The following SHC3 variants were observed in gnomAD, a reference collection of about 807,000 sequenced individuals.
The protein encoded by SHC3 is SHC-transforming protein 3.
Under a neutral mutation model 60.4 loss-of-function variants are expected in SHC3, and 15 were observed. That is an observed-to-expected ratio of 0.25 (90% CI 0.17 to 0.38). The LOEUF is 0.38. SHC3 is among the 10% of genes least tolerant of loss of function. The pLI, the probability that SHC3 is intolerant of heterozygous loss-of-function variation, is 1.00. For synonymous variants in SHC3, 294 were observed against 325.9 expected, an observed-to-expected ratio of 0.90 and a Z score of 1.05; for missense variants, 677 against 786.1, an observed-to-expected ratio of 0.86 and a Z score of 1.66.
intron 11 of SHC3, among the ~76,000 whole-genome samples, chr9:89,021,321 T>C (rs1459548309): frequency 6.6e-6 from 1 of 152,132 alleles, no homozygotes; most frequent in Non-Finnish European, 1.5e-5. Flanking sequence ...CAGGACAGCA[T>C]TTGATGAGTC....
intron 2 of SHC3, among the ~76,000 whole-genome samples, chr9:89,081,047 T>G (rs1289161319): frequency 6.6e-6 from 1 of 152,128 alleles, no homozygotes; most frequent in Non-Finnish European, 1.5e-5. Flanking sequence ...ATTACAAGCA[T>G]GAGCCACCAC....
intron 2 of SHC3, among the ~76,000 whole-genome samples, chr9:89,111,661 T>A (rs1238314901): frequency 1.3e-5 from 2 of 152,242 alleles, no homozygotes; most frequent in East Asian, 3.9e-4. Context: ...ATGGTACCTA[T>A]AACAGAATTG....
intron 2 of SHC3, among the ~76,000 whole-genome samples, chr9:89,099,618 G>T (rs552272025): frequency 1.3e-5 from 2 of 152,166 alleles, no homozygotes; most frequent in Non-Finnish European, 2.9e-5. Flanking sequence ...TGAAATGCTG[G>T]TGTACTGATC....
At chr9:89,086,240 CTG>C (rs1825527919) in intron 2 of SHC3, among the ~76,000 whole-genome samples, 1 of 152,224 alleles carries the variant, frequency 6.6e-6, no homozygotes, top group South Asian at 2.1e-4. Flanking sequence ...GTCCCCAAGA[CTG>C]TGCCCCACTT....
chr9:89,029,729 G>A (rs1824450523), intron 11 of SHC3, among the ~76,000 whole-genome samples: 1 of 152,186 alleles, frequency 6.6e-6, no homozygotes, highest in South Asian at 2.1e-4. Context: ...CTGGTTAAGG[G>A]TAAAGACATT....
chr9:89,064,404 C>T (rs995109070), intron 6 of SHC3, among the ~76,000 whole-genome samples: 1 of 152,158 alleles, frequency 6.6e-6, no homozygotes, highest in African/African-American at 2.4e-5. Context: ...TGGAATCGAT[C>T]CTGATTCCCA....
At chr9:89,091,435 C>A (rs923031412) in intron 2 of SHC3, among the ~76,000 whole-genome samples, 3 of 152,076 alleles carry the variant, frequency 2.0e-5, no homozygotes, top group African/African-American at 7.2e-5. Flanking sequence ...GAGATTTGGG[C>A]CTAACTGGCT....
At chr9:89,108,540 T>TACAC (rs141450227) in intron 2 of SHC3, among the ~76,000 whole-genome samples, 36 of 148,144 alleles carry the variant, frequency 2.4e-4, no homozygotes, top group South Asian at 4.3e-4. Flanking sequence ...TGCATATACA[T>TACAC]ACACACACAC....
chr9:89,022,606 T>G (rs574366437), intron 11 of SHC3, among the ~76,000 whole-genome samples: 1 of 151,954 alleles, frequency 6.6e-6, no homozygotes, highest in Non-Finnish European at 1.5e-5. Context: ...CAACCCTGGG[T>G]GGAGATTTAA....
chr9:89,119,012 G>C (rs116698567), intron 1 of SHC3, among the ~76,000 whole-genome samples: 1 of 152,116 alleles, frequency 6.6e-6, no homozygotes, highest in Non-Finnish European at 1.5e-5. Context: ...TATCTCAGGA[G>C]ATCTAAACAT....
At chr9:89,142,668 T>A (rs1268111546) in intron 1 of SHC3, among the ~76,000 whole-genome samples, 1 of 135,952 alleles carries the variant, frequency 7.4e-6, no homozygotes, top group Non-Finnish European at 1.6e-5. Flanking sequence ...AGAGTGAGAC[T>A]CTGTCAAAAA....
At chr9:89,035,238 G>A (rs58000260) in intron 11 of SHC3, among the ~76,000 whole-genome samples, 275 of 152,256 alleles carry the variant, frequency 1.8e-3, no homozygotes, top group African/African-American at 6.3e-3. Flanking sequence ...ACGACCTGGC[G>A]TTGGGTCTGA....
chr9:89,026,364 C>G (rs1162738725), intron 11 of SHC3, among the ~76,000 whole-genome samples: 1 of 152,054 alleles, frequency 6.6e-6, no homozygotes, highest in African/African-American at 2.4e-5. Flanking sequence ...TTGGTCTCCA[C>G]AACCCCTTAT....
chr9:89,120,734 T>C (rs1308572128), intron 1 of SHC3, among the ~76,000 whole-genome samples: 1 of 152,170 alleles, frequency 6.6e-6, no homozygotes, highest in South Asian at 2.1e-4. Context: ...TTCTTTCCCA[T>C]ATAGAGTTTA....
chr9:89,137,802 A>AAAG (rs1826339334), intron 1 of SHC3, among the ~76,000 whole-genome samples: 1 of 152,186 alleles, frequency 6.6e-6, no homozygotes, highest in Admixed American at 6.5e-5. Flanking sequence ...TGCAACTTAC[A>AAAG]AAGACCCCAA....
chr9:89,096,523 C>T (rs75453549), intron 2 of SHC3, among the ~76,000 whole-genome samples: 4,068 of 152,188 alleles, frequency 0.027, 171 homozygotes, highest in African/African-American at 0.093. Context: ...ATGAAGGGCA[C>T]GAGATTTTTG....
chr9:89,177,845 T>TCAAGCTTAGCTGA (rs1194396948), intron 1 of SHC3, 142 bp downstream of exon 1: 4 of 1,084,106 alleles, frequency 3.7e-6, no homozygotes, highest in African/African-American at 1.7e-5. Context: ...AGCGAGCTGA[T>TCAAGCTTAGCTGA]TGCTAAGGAG....
intron 11 of SHC3, among the ~76,000 whole-genome samples, chr9:89,021,132 A>G (rs1329437179): frequency 6.6e-6 from 1 of 152,208 alleles, no homozygotes; most frequent in South Asian, 2.1e-4. Context: ...ATCAGGTTTG[A>G]AACTTTTGTT....
At chr9:89,052,449 C>A (rs1392886086) in intron 6 of SHC3, among the ~76,000 whole-genome samples, 2 of 152,162 alleles carry the variant, frequency 1.3e-5, no homozygotes, top group African/African-American at 4.8e-5. Flanking sequence ...TCTTCAATTT[C>A]TTTAGTCTAT....
Sources: gnomAD v4.1 joint callset for allele counts (sites outside exome capture counted in the v4.1 genomes callset) on GRCh38, gnomAD v4.1.1 for gene constraint, MANE v1.5 for transcripts, NCBI Gene and HGNC (gene_info 2026-07-23, HGNC 2026-07-21) for gene names.